TXNIP: variants seen among roughly 807,000 people sequenced by gnomAD.
TXNIP encodes the protein thioredoxin interacting protein.
TXNIP carries 23 observed loss-of-function variants against 43.9 expected under a neutral mutation model. That is an observed-to-expected ratio of 0.52 (90% CI 0.38 to 0.74). The LOEUF is 0.74. Ranked by LOEUF, TXNIP falls within the 30% of genes least tolerant of loss-of-function variation. TXNIP has a pLI of 0.00. For synonymous variants in TXNIP, 234 were observed against 172.2 expected (o/e 1.36, Z -2.81); for missense variants, 555 against 485.4 (o/e 1.14, Z -1.35).
rs781999351 is a variant in TXNIP at position 145,995,004 on chromosome 1, T to C, written c.499A>G (p.Lys167Glu). The change falls in exon 4 of 8, where the codon AAA becomes GAA. Residue 167 changes from lysine (K) to glutamate (E), a missense_variant. Transcript: ENST00000582401. Reference sequence around the variant, plus strand: ...TCAGGAATGAACATGCAGGAAACTTTCTTTTCTTTTTTAGCAGACACAGGT... The same window carrying C: ...TCAGGAATGAACATGCAGGAAACTTCCTTTTCTTTTTTAGCAGACACAGGT... Reference protein sequence around the residue: ...MAPVSAKKEKKVSCMFIPDGR... With the variant: ...MAPVSAKKEKEVSCMFIPDGR... 72 of 1,613,972 alleles carry C rather than the reference T, an allele frequency of 4.5e-5. No homozygotes were observed. The highest frequency in any genetic ancestry group is 5.3e-5 in the African/African-American group (4 of 74,888).
rs1171229323 is a variant in TXNIP at position 145,993,694 on chromosome 1, G to A, written c.*157C>T. On this transcript the variant is annotated 3_prime_UTR_variant, in exon 8 of 8. Coordinates refer to ENST00000582401, the MANE Select transcript of TXNIP (RefSeq NM_006472.6). The stretch of plus-strand genomic sequence containing the variant: ...TGAGTCCGCATCCTTTAAGGCCCAG[G>A]AGATTGCCTGCTGACCACCTCCTAC... 1.3e-6 allele frequency: 1 copy of A among 763,298 alleles called. No homozygotes were observed. The allele number at this position is 763,298 out of a possible 1,614,324, so 47.3% of individuals were successfully genotyped here. A position where few individuals can be genotyped will look rare whatever the true frequency, so the allele number is the denominator to read the frequency against.
At position 145,996,080 on chromosome 1, in the gene TXNIP, A is replaced by C; in HGVS notation, c.187T>G (p.Cys63Gly). The change falls in exon 1 of 8, where the codon TGC becomes GGC. Residue 63 changes from cysteine to glycine, a missense_variant. Transcript: ENST00000582401. ...CGCAGGTACTCCGAAGTCTGTTTGC[A>C]CTGCTGGGATCCCTGCATCCAAAGC... ...KVLWMQGSQQ[C>G]KQTSEYLRYE... The C allele has an allele frequency of 6.2e-7, 1 of 1,614,078 alleles. No individual in the cohort carries two copies. The highest frequency in any genetic ancestry group is 8.5e-7 in the Non-Finnish European group (1 of 1,180,022).
Position 145,993,131 on chromosome 1 carries a change from CAGT to C in TXNIP, c.*717_*719del, listed in dbSNP as rs755859477. On this transcript the variant is annotated 3_prime_UTR_variant, in exon 8 of 8. Coordinates refer to ENST00000582401, the MANE Select transcript of TXNIP (RefSeq NM_006472.6). Reference sequence around the variant, plus strand: ...CCATCCTCCCATATGAAAATATTTGCAGTAGGAGAACACAGTGCAATAGGCTCC... The same window carrying C: ...CCATCCTCCCATATGAAAATATTTGCAGGAGAACACAGTGCAATAGGCTCC... The C allele has an allele frequency of 1.3e-5, 2 of 152,622 alleles. No individual in the cohort carries two copies. The highest frequency in any genetic ancestry group is 2.9e-5 in the Non-Finnish European group (2 of 68,030). 9.5% of individuals were successfully genotyped at this position (152,622 alleles called of 1,614,324 possible).
Position 145,994,264 on chromosome 1 carries a change from C to T in TXNIP, c.988+17G>A. ...AGGTAGACCAGAAACAAAGAAAAGA[C>T]ATTAGGTCTGGCTCACCTTCTGGGG... On this transcript the variant is annotated intron_variant, in intron 6 of 7. Coordinates refer to ENST00000582401, the MANE Select transcript of TXNIP (RefSeq NM_006472.6). The T allele has an allele frequency of 6.2e-7, 1 of 1,613,526 alleles. No homozygotes were observed. Among genetic ancestry groups the T allele is most frequent in the South Asian group, 1.1e-5 (1 of 90,998 alleles).
rs973039099 is a variant in TXNIP, at chr1:145,994,912, A to T, written c.574+17T>A. On this transcript the variant is annotated intron_variant, in intron 4 of 7. Coordinates refer to ENST00000582401, the MANE Select transcript of TXNIP (RefSeq NM_006472.6). ...ACCCAGTTCCTGTTTTAACTGCCAT[A>T]AGCACTAGGATTTTACCTTCACAGA... 1 of 1,614,170 alleles carries T rather than the reference A, an allele frequency of 6.2e-7. No individual in the cohort carries two copies. The highest frequency in any genetic ancestry group is 1.6e-4 in the Middle Eastern group (1 of 6,062).
chr1:145,994,704 T>C lies in TXNIP; in HGVS notation c.671A>G (p.Asn224Ser), dbSNP rs781818435. ...AIVARHTYLANGQTKVLTQKL... is the reference protein window; with the variant it reads ...AIVARHTYLASGQTKVLTQKL... ...CTGAGTCAGCACCTTGGTCTGGCCA[T>C]TGGCAAGGTAAGTGTGGCGGGCCAC... The change falls in exon 5 of 8, where the codon AAT becomes AGT. Residue 224 changes from asparagine to serine, a missense_variant. Transcript: ENST00000582401. 1 of 1,614,214 alleles carries C rather than the reference T, an allele frequency of 6.2e-7. No homozygotes were observed. Among genetic ancestry groups the C allele is most frequent in the Non-Finnish European group, 8.5e-7 (1 of 1,180,048 alleles).
At position 145,993,828 on chromosome 1, in the gene TXNIP, G is replaced by A; in HGVS notation, c.*23C>T. 6.2e-7 allele frequency: 1 copy of A among 1,613,956 alleles called. No homozygotes were observed. Reference sequence around the variant, plus strand: ...AGACAAAAAGAAACAAGTAGGTAAAGCTGCTTCTTTTCTTCCACATGCTCA... The same window carrying A: ...AGACAAAAAGAAACAAGTAGGTAAAACTGCTTCTTTTCTTCCACATGCTCA... On this transcript the variant is annotated 3_prime_UTR_variant, in exon 8 of 8. Transcript: ENST00000582401.
intron 1 of TXNIP, 112 bp downstream of exon 1, chr1:145,995,905 G>T (rs1481205785): frequency 4.6e-6 from 6 of 1,306,158 alleles, no homozygotes; most frequent in Non-Finnish European, 4.2e-6. Flanking sequence ...GCAACAACAC[G>T]TAATTCAAAC....
Position 145,993,857 on chromosome 1 carries a change from C to A in TXNIP, c.1170G>T (p.Val390=), listed in dbSNP as rs1386181712. 3 of 1,614,148 alleles carry A rather than the reference C, an allele frequency of 1.9e-6. No individual in the cohort carries two copies. The highest frequency in any genetic ancestry group is 2.5e-6 in the Non-Finnish European group (3 of 1,180,010). The change falls in exon 8 of 8, where the codon GTG becomes GTT. Residue 390 remains valine (V), a synonymous_variant. Transcript: ENST00000582401. ...CTTCTTTTCTTCCACATGCTCACTGCACATTGTTGTTGAGGATGCAGGGAT... is the reference window on the plus strand; with the variant it reads ...CTTCTTTTCTTCCACATGCTCACTGAACATTGTTGTTGAGGATGCAGGGAT... The part of the protein sequence containing the change: ...EVDPCILNNN[V]Q
Position 145,996,537 on chromosome 1 carries a change from G to C in TXNIP, c.-271C>G. Reference sequence around the variant, plus strand: ...CCCCCAATTGCTGGAGAAAAGATCCGATCTCCACAAGCACTCCTTTGGAGA... The same window carrying C: ...CCCCCAATTGCTGGAGAAAAGATCCCATCTCCACAAGCACTCCTTTGGAGA... On this transcript the variant is annotated 5_prime_UTR_variant, in exon 1 of 8. It adds an upstream start codon to the 5' untranslated region. Transcript: ENST00000582401. 2 of 348,940 alleles carry C rather than the reference G, an allele frequency of 5.7e-6. No individual in the cohort carries two copies. The highest frequency in any genetic ancestry group is 2.8e-5 in the South Asian group (1 of 35,610). The allele number at this position is 348,940 out of a possible 1,614,324, so 21.6% of individuals were successfully genotyped here. A position where few individuals can be genotyped will look rare whatever the true frequency, so the allele number is the denominator to read the frequency against.
rs73004669 is a variant in TXNIP, at chr1:145,996,373, A to C, written c.-107T>G. On this transcript the variant is annotated 5_prime_UTR_variant, in exon 1 of 8. Coordinates refer to ENST00000582401, the MANE Select transcript of TXNIP (RefSeq NM_006472.6). ...AAAATTATTTCACTTTAAGGAATTA[A>C]GGTATTCTTAAGCAGTTTGAGCTTA... is the stretch of plus-strand genomic sequence containing the variant. The C allele has an allele frequency of 9.6e-4, 1,265 of 1,314,008 alleles. 9 individuals carry two copies. The African/African-American group carries it at 0.017, about 17-fold the overall frequency. The allele number at this position is 1,314,008 out of a possible 1,614,324, so 81.4% of individuals were successfully genotyped here. A position where few individuals can be genotyped will look rare whatever the true frequency, so the allele number is the denominator to read the frequency against.
rs587776038 is a variant in TXNIP, at chr1:145,994,720, G to A, written c.655C>T (p.His219Tyr). ...GTCTGGCCATTGGCAAGGTAAGTGT[G>A]GCGGGCCACAATGGCAGCTTTGGGG... ...VVPKAAIVARHTYLANGQTKV... is the reference protein window; with the variant it reads ...VVPKAAIVARYTYLANGQTKV... Residue 219 changes from histidine (H) to tyrosine (Y), a missense_variant, in exon 5 of 8, where the codon CAC (histidine) becomes TAC (tyrosine). His to Tyr is a moderately conservative substitution (Grantham distance 83). Transcript: ENST00000582401. 3.1e-6 allele frequency: 5 copies of A among 1,614,218 alleles called. No individual in the cohort carries two copies. The African/African-American group carries it at 5.3e-5, about 17-fold the overall frequency.
chr1:145,995,871 G>A, intron 1 of TXNIP, 146 bp downstream of exon 1: 1 of 1,027,038 alleles, frequency 9.7e-7, no homozygotes, highest in South Asian at 1.7e-5. Flanking sequence ...GAGAATGTCT[G>A]CAAATTAAAA....
In TXNIP at chr1:145,996,519, T is replaced by G; in HGVS notation, c.-253A>C. On this transcript the variant is annotated 5_prime_UTR_variant, in exon 1 of 8. Coordinates refer to ENST00000582401, the MANE Select transcript of TXNIP (RefSeq NM_006472.6). ...AGAGAAAAAGCCTTCTTTCCCCCAA[T>G]TGCTGGAGAAAAGATCCGATCTCCA... is the stretch of plus-strand genomic sequence containing the variant. 1 of 374,002 alleles carries G rather than the reference T, an allele frequency of 2.7e-6. No individual in the cohort carries two copies. The highest frequency in any genetic ancestry group is 5.9e-5 in the East Asian group (1 of 16,974). The allele number at this position is 374,002 out of a possible 1,614,324, so 23.2% of individuals were successfully genotyped here.
chr1:145,994,628 T>C lies in TXNIP; in HGVS notation c.747A>G (p.Ser249=), dbSNP rs1553766087. Reference sequence around the variant, plus strand: ...GAACCCGAAGGCTCTTGCCACGCCATGATGCGCATGTCCCTGAGATAATAT... The same window carrying C: ...GAACCCGAAGGCTCTTGCCACGCCACGATGCGCATGTCCCTGAGATAATAT... ...GNHIISGTCA[S]WRGKSLRVQK... Residue 249 remains serine, a synonymous_variant, in exon 5 of 8, where the codon TCA becomes TCG. Transcript: ENST00000582401. 1.9e-6 allele frequency: 3 copies of C among 1,614,224 alleles called. No individual in the cohort carries two copies. The highest frequency in any genetic ancestry group is 2.5e-6 in the Non-Finnish European group (3 of 1,180,034).
Position 145,994,007 on chromosome 1 carries a change from A to T in TXNIP, c.1140+9T>A, listed in dbSNP as rs781854785. The T allele has an allele frequency of 6.2e-7, 1 of 1,614,190 alleles. No individual in the cohort carries two copies. The highest frequency in any genetic ancestry group is 8.5e-7 in the Non-Finnish European group (1 of 1,180,032). The stretch of plus-strand genomic sequence containing the variant: ...GGACAAATTTAACAGTAAAGATGAC[A>T]ATCCTCACCTCAGTATAAGTCGGTG... On this transcript the variant is annotated intron_variant, in intron 7 of 7. Coordinates refer to ENST00000582401, the MANE Select transcript of TXNIP (RefSeq NM_006472.6).
chr1:145,994,145 G>A lies in TXNIP; in HGVS notation c.1011C>T (p.Val337=), dbSNP rs374647052. 1.9e-6 allele frequency: 3 copies of A among 1,614,134 alleles called. No individual in the cohort carries two copies. The highest frequency in any genetic ancestry group is 2.5e-6 in the Non-Finnish European group (3 of 1,180,024). ...TPEAPPCYMD[V]IPEDHRLESP... ...TCTCCAATCGGTGATCTTCAGGAATGACATCCATATAGCAGGGAGGAGCTA... is the reference window on the plus strand; with the variant it reads ...TCTCCAATCGGTGATCTTCAGGAATAACATCCATATAGCAGGGAGGAGCTA... The change falls in exon 7 of 8, where the codon GTC becomes GTT. Residue 337 remains valine, a synonymous_variant. Coordinates refer to ENST00000582401, the MANE Select transcript of TXNIP (RefSeq NM_006472.6).
chr1:145,996,369 AT>A lies in TXNIP; in HGVS notation c.-104del. ...GCAAAAAATTATTTCACTTTAAGGA[AT>A]TAAGGTATTCTTAAGCAGTTTGAGC... On this transcript the variant is annotated 5_prime_UTR_variant, in exon 1 of 8. Coordinates refer to ENST00000582401, the MANE Select transcript of TXNIP (RefSeq NM_006472.6). 2 of 1,328,578 alleles carry A rather than the reference AT, an allele frequency of 1.5e-6. No individual in the cohort carries two copies. The highest frequency in any genetic ancestry group is 4.6e-5 in the East Asian group (2 of 43,174). The allele number at this position is 1,328,578 out of a possible 1,614,324, so 82.3% of individuals were successfully genotyped here.
Position 145,994,732 on chromosome 1 carries a change from T to C in TXNIP, c.643A>G (p.Ile215Val). 1.2e-6 allele frequency: 2 copies of C among 1,614,216 alleles called. No homozygotes were observed. Among genetic ancestry groups the C allele is most frequent in the South Asian group, 2.2e-5 (2 of 91,084 alleles). Residue 215 changes from isoleucine to valine, a missense_variant, in exon 5 of 8, where the codon ATT (isoleucine) becomes GTT (valine). Physicochemically the swap from Ile to Val is conservative, Grantham distance 29 (BLOSUM62 3). Coordinates refer to ENST00000582401, the MANE Select transcript of TXNIP (RefSeq NM_006472.6). ...GCAAGGTAAGTGTGGCGGGCCACAA[T>C]GGCAGCTTTGGGGACCACAATTCGG... The part of the protein sequence containing the change: ...CSRIVVPKAA[I>V]VARHTYLANG...
Sources: gnomAD v4.1 joint callset for allele counts on GRCh38, gnomAD v4.1.1 for gene constraint, MANE v1.5 for transcripts, NCBI Gene and HGNC (gene_info 2026-07-23, HGNC 2026-07-21) for gene names.